Variants in GNA14 observed in about 807,000 individuals in gnomAD.
GNA14 encodes guanine nucleotide-binding protein subunit alpha-14.
A neutral mutation model predicts 42.0 loss-of-function variants in GNA14; 50 were observed. The observed-to-expected ratio is 1.19, with a 90% CI of 0.95 to 1.51. The LOEUF (loss-of-function observed/expected upper bound fraction) is 1.51, where lower values mean the gene tolerates loss of function less well. Ranked by LOEUF, GNA14 falls within the 40% of genes most tolerant of loss-of-function variation. The probability of loss-of-function intolerance (pLI) is 0.00; values close to 1 mark genes in which losing one functional copy is unlikely to be tolerated. For synonymous variants in GNA14, 173 were observed against 163.1 expected (o/e 1.06, Z -0.46); for missense variants, 473 against 446.2 (o/e 1.06, Z -0.54).
chr9:77,625,048 A>G (rs965894198), intron 1 of GNA14, among the ~76,000 whole-genome samples: 2 of 152,060 alleles, frequency 1.3e-5, no homozygotes, highest in African/African-American at 4.8e-5. Flanking sequence ...TAAACAGTTT[A>G]GAGAAGAACA....
At chr9:77,432,484 C>T (rs10114048) in intron 3 of GNA14, among the ~76,000 whole-genome samples, 28,127 of 152,114 alleles carry the variant, frequency 0.18, 3,032 homozygotes, top group African/African-American at 0.3. Flanking sequence ...GCAGAGAGCA[C>T]TGGTTGTATA....
chr9:77,566,946 G>T (rs1462972944), intron 1 of GNA14, among the ~76,000 whole-genome samples: 1 of 152,034 alleles, frequency 6.6e-6, no homozygotes, highest in Admixed American at 6.6e-5. Flanking sequence ...ATTTGTATTT[G>T]CCATATACCC....
chr9:77,639,436 A>G (rs1824224675), intron 1 of GNA14, among the ~76,000 whole-genome samples: 1 of 152,248 alleles, frequency 6.6e-6, no homozygotes. Flanking sequence ...TATCAGTGGA[A>G]AAGCCTATAT....
At chr9:77,542,816 G>A (rs550400644) in intron 1 of GNA14, among the ~76,000 whole-genome samples, 228 of 152,204 alleles carry the variant, frequency 1.5e-3, no homozygotes, top group Non-Finnish European at 2.6e-3. Flanking sequence ...GACTGTGTTC[G>A]CTGATCCCAG....
At chr9:77,467,003 GT>G (rs2131717943) in intron 2 of GNA14, among the ~76,000 whole-genome samples, 1 of 93,150 alleles carries the variant, frequency 1.1e-5, no homozygotes, top group Non-Finnish European at 2.1e-5. Context: ...ACCACTCGGT[GT>G]GTGTGTGTGT....
intron 2 of GNA14, among the ~76,000 whole-genome samples, chr9:77,465,857 T>C (rs1836213610): frequency 6.6e-6 from 1 of 152,168 alleles, no homozygotes; most frequent in South Asian, 2.1e-4. Flanking sequence ...TCCTCCCACC[T>C]TGGCCTCCCA....
rs972238751 is a variant in GNA14 at position 77,514,804 on chromosome 9, G to A, written c.309+14265C>T. 3.3e-5 allele frequency among the ~76,000 whole-genome samples: 5 copies of A among 152,104 alleles called. No homozygotes were observed. The South Asian group carries it at 6.2e-4, about 19-fold the overall frequency. On this transcript the variant is annotated intron_variant, in intron 2 of 6. Transcript: ENST00000341700. ...AATTTTTTGTATTTTTAGTGGAGAC[G>A]GGGTTTCACCGTGTTAGCCAGGATA...
chr9:77,515,838 C>A (rs1837245197), intron 2 of GNA14, among the ~76,000 whole-genome samples: 1 of 151,328 alleles, frequency 6.6e-6, no homozygotes, highest in Non-Finnish European at 1.5e-5. Flanking sequence ...GGGGTGTGCA[C>A]CTGTAGTCCC....
At chr9:77,452,028 G>A (rs906484808) in intron 2 of GNA14, among the ~76,000 whole-genome samples, 2 of 152,168 alleles carry the variant, frequency 1.3e-5, no homozygotes, top group African/African-American at 4.8e-5. Context: ...ACTATGTGCT[G>A]GTCTCACACC....
At chr9:77,460,283 C>T (rs1408948951) in intron 2 of GNA14, among the ~76,000 whole-genome samples, 1 of 152,162 alleles carries the variant, frequency 6.6e-6, no homozygotes, top group Non-Finnish European at 1.5e-5. Flanking sequence ...CAGAGGCCGA[C>T]GTGAGGATGG....
intron 1 of GNA14, among the ~76,000 whole-genome samples, chr9:77,589,624 G>A (rs1207754813): frequency 6.6e-6 from 1 of 152,144 alleles, no homozygotes; most frequent in Non-Finnish European, 1.5e-5. Flanking sequence ...GCTGGATATT[G>A]CCTTTTTCCT....
intron 2 of GNA14, among the ~76,000 whole-genome samples, chr9:77,480,602 G>A (rs1465503144): frequency 6.6e-6 from 1 of 152,140 alleles, no homozygotes; most frequent in Admixed American, 6.5e-5. Flanking sequence ...TCTATTGATG[G>A]GAATAGTTTC....
intron 2 of GNA14, among the ~76,000 whole-genome samples, chr9:77,490,344 T>C (rs1836744613): frequency 6.6e-6 from 1 of 152,344 alleles, no homozygotes; most frequent in South Asian, 2.1e-4. Flanking sequence ...ACACTGGGGT[T>C]GCAGGTGGAG....
chr9:77,539,465 T>G (rs1837633864), intron 1 of GNA14, among the ~76,000 whole-genome samples: 1 of 152,218 alleles, frequency 6.6e-6, no homozygotes, highest in Non-Finnish European at 1.5e-5. Context: ...CGCCTGTTGT[T>G]TTCTTTTTCT....
intron 1 of GNA14, among the ~76,000 whole-genome samples, chr9:77,594,228 G>A (rs963721066): frequency 2.0e-5 from 3 of 152,204 alleles, no homozygotes; most frequent in Admixed American, 6.5e-5. Flanking sequence ...GGAATTCAGA[G>A]GCTGGGGCAG....
In GNA14 at chr9:77,428,799, A is replaced by G. The variant is rs140227074; in HGVS notation, c.723+108T>C. 214 of 1,084,778 alleles carry G rather than the reference A, an allele frequency of 2.0e-4. 1 individual carries two copies. The African/African-American group carries it at 3.0e-3, about 15-fold the overall frequency. The allele number at this position is 1,084,778 out of a possible 1,614,324, so 67.2% of individuals were successfully genotyped here. ...CACAGGTCACACTTTGAGTAGCAAG[A>G]CTGTTTGACCTAATGACGAGGGTCT... On this transcript the variant is annotated intron_variant, in intron 5 of 6. Transcript: ENST00000341700.
At chr9:77,579,237 G>C (rs1354597779) in intron 1 of GNA14, among the ~76,000 whole-genome samples, 1 of 152,214 alleles carries the variant, frequency 6.6e-6, no homozygotes, top group Non-Finnish European at 1.5e-5. Flanking sequence ...TGAATGTGAA[G>C]GAGCAGAGCA....
intron 1 of GNA14, among the ~76,000 whole-genome samples, chr9:77,631,021 A>T (rs967620343): frequency 1.3e-5 from 2 of 152,226 alleles, no homozygotes; most frequent in Admixed American, 6.5e-5. Flanking sequence ...CAAGAGGCTA[A>T]GAGCAAAACA....
intron 1 of GNA14, among the ~76,000 whole-genome samples, chr9:77,537,954 G>A (rs1186824337): frequency 6.6e-6 from 1 of 151,736 alleles, no homozygotes; most frequent in Non-Finnish European, 1.5e-5. Flanking sequence ...TGAGTTCCTT[G>A]TATATTCTGG....
Sources: gnomAD v4.1 joint callset for allele counts (sites outside exome capture counted in the v4.1 genomes callset) on GRCh38, gnomAD v4.1.1 for gene constraint, MANE v1.5 for transcripts, NCBI Gene and HGNC (gene_info 2026-07-23, HGNC 2026-07-21) for gene names.